The following CSMD1 variants were observed in gnomAD, a reference collection of about 807,000 sequenced individuals.
CSMD1 encodes the protein CUB and sushi domain-containing protein 1.
CSMD1 carries 213 observed loss-of-function variants against 417.5 expected under a neutral mutation model. The ratio of observed to expected loss-of-function variants is 0.51; its 90% confidence interval spans 0.46 to 0.57. The LOEUF is 0.57. CSMD1 is among the 20% of genes least tolerant of loss of function. CSMD1 has a pLI of 0.00. For missense variants in CSMD1, 6,923 were observed against 4,529.7 expected (o/e 1.53, Z -15.17); for synonymous variants, 2,862 against 1,736.8 (o/e 1.65, Z -16.11).
chr8:3,014,595 C>G (rs1025346087), intron 52 of CSMD1, among the ~76,000 whole-genome samples: 1 of 152,134 alleles, frequency 6.6e-6, no homozygotes, highest in Non-Finnish European at 1.5e-5. Flanking sequence ...CTGAAGTTCT[C>G]TTTTATAAGC....
At chr8:3,301,866 T>C (rs1320430122) in intron 25 of CSMD1, among the ~76,000 whole-genome samples, 3 of 152,150 alleles carry the variant, frequency 2.0e-5, no homozygotes, top group Non-Finnish European at 4.4e-5. Context: ...TGGGAATTCA[T>C]AATGGTGGAT....
At chr8:4,066,689 C>A (rs1029607978) in intron 3 of CSMD1, among the ~76,000 whole-genome samples, 4 of 152,100 alleles carry the variant, frequency 2.6e-5, no homozygotes, top group African/African-American at 7.2e-5. Context: ...TTCTATCCAA[C>A]CTGAAATTAG....
chr8:4,429,626 A>C (rs905944433), intron 2 of CSMD1, among the ~76,000 whole-genome samples: 4 of 152,114 alleles, frequency 2.6e-5, no homozygotes, highest in African/African-American at 9.7e-5. Flanking sequence ...TTCCAGAGAG[A>C]GAAACGAATG....
intron 7 of CSMD1, among the ~76,000 whole-genome samples, chr8:3,641,024 CTT>C (rs34851559): frequency 0.025 from 2,596 of 102,722 alleles, 9 homozygotes; most frequent in African/African-American, 0.071. Context: ...TCCTTTTTTC[CTT>C]TTTTTTTTTT....
chr8:3,568,855 T>C (rs1238427892), intron 10 of CSMD1, among the ~76,000 whole-genome samples: 1 of 152,086 alleles, frequency 6.6e-6, no homozygotes, highest in Non-Finnish European at 1.5e-5. Flanking sequence ...ATAAAATTAT[T>C]CAGTAGAAGG....
At chr8:3,559,667 C>G (rs11991146) in intron 10 of CSMD1, among the ~76,000 whole-genome samples, 111,624 of 151,976 alleles carry the variant, frequency 0.73, 41,187 homozygotes, top group Middle Eastern at 0.8. Context: ...CTTTCTGCTT[C>G]GTATTTGACT....
intron 2 of CSMD1, among the ~76,000 whole-genome samples, chr8:4,474,967 A>C (rs1800722399): frequency 6.6e-6 from 1 of 152,226 alleles, no homozygotes; most frequent in Non-Finnish European, 1.5e-5. Flanking sequence ...ATTCCTGGTC[A>C]ACTACAGGCT....
At chr8:3,564,195 A>C (rs748261753) in intron 10 of CSMD1, among the ~76,000 whole-genome samples, 4 of 152,174 alleles carry the variant, frequency 2.6e-5, no homozygotes, top group African/African-American at 4.8e-5. Flanking sequence ...ATAATAAATT[A>C]TCATTAACTA....
intron 5 of CSMD1, among the ~76,000 whole-genome samples, chr8:3,910,172 G>A (rs769747113): frequency 1.3e-5 from 2 of 152,060 alleles, no homozygotes; most frequent in South Asian, 2.1e-4. Context: ...ATGTTACATC[G>A]GGGGACAAGG....
At chr8:3,511,331 T>A (rs1797058357) in intron 10 of CSMD1, among the ~76,000 whole-genome samples, 1 of 151,668 alleles carries the variant, frequency 6.6e-6, no homozygotes, top group Admixed American at 6.6e-5. Flanking sequence ...TATACCTATG[T>A]AACAAACCTG....
At chr8:4,334,819 G>A (rs536941940) in intron 3 of CSMD1, among the ~76,000 whole-genome samples, 1 of 152,092 alleles carries the variant, frequency 6.6e-6, no homozygotes, top group Non-Finnish European at 1.5e-5. Flanking sequence ...CATATATTCG[G>A]AGGTTTTTAA....
chr8:4,047,536 C>T (rs1798210463), intron 3 of CSMD1, among the ~76,000 whole-genome samples: 1 of 151,788 alleles, frequency 6.6e-6, no homozygotes, highest in African/African-American at 2.4e-5. Flanking sequence ...TTCATTCATT[C>T]ATTCATTCCA....
intron 49 of CSMD1, among the ~76,000 whole-genome samples, chr8:3,062,276 A>AATC (rs1255358356): frequency 6.6e-6 from 1 of 152,138 alleles, no homozygotes; most frequent in South Asian, 2.1e-4. Flanking sequence ...TACCATGCTG[A>AATC]AGGCTGAGAT....
chr8:4,217,640 A>C (rs945846490), intron 3 of CSMD1, among the ~76,000 whole-genome samples: 3 of 146,142 alleles, frequency 2.1e-5, no homozygotes, highest in Non-Finnish European at 3.0e-5. Context: ...GAAAAAGTTG[A>C]CTCAGTTGAC....
intron 5 of CSMD1, among the ~76,000 whole-genome samples, chr8:3,901,849 G>C (rs981748514): frequency 6.6e-6 from 1 of 152,144 alleles, no homozygotes; most frequent in African/African-American, 2.4e-5. Flanking sequence ...TATTACCATG[G>C]TTTTATTATA....
rs765561986 is a variant in CSMD1, at chr8:4,031,909, G to A, written c.606C>T (p.Cys202=). 47 of 1,612,760 alleles carry A rather than the reference G, an allele frequency of 2.9e-5. No homozygotes were observed. The highest frequency in any genetic ancestry group is 3.6e-5 in the Non-Finnish European group (43 of 1,179,288). ...AGCCCCCTTGTAGCACTGTACCTCTGCAAAAGGGAGCTGGGAAGTCCCACG... is the reference window on the plus strand; with the variant it reads ...AGCCCCCTTGTAGCACTGTACCTCTACAAAAGGGAGCTGGGAAGTCCCACG... ...GASWDFPAPF[C]RAEGACGGTL... Residue 202 remains cysteine (C), a synonymous_variant, in exon 4 of 70, where the codon TGC becomes TGT. Transcript: ENST00000635120.
chr8:4,034,113 G>A (rs1028976724), intron 3 of CSMD1, among the ~76,000 whole-genome samples: 8 of 152,108 alleles, frequency 5.3e-5, no homozygotes, highest in African/African-American at 1.9e-4. Context: ...ATATAATGTA[G>A]AATAATATTT....
intron 3 of CSMD1, among the ~76,000 whole-genome samples, chr8:4,384,147 C>A (rs1010854980): frequency 6.6e-6 from 1 of 152,160 alleles, no homozygotes; most frequent in East Asian, 1.9e-4. Context: ...TGAGCCTCCT[C>A]CCTTGGGAAT....
intron 1 of CSMD1, among the ~76,000 whole-genome samples, chr8:4,913,809 C>G (rs978946556): frequency 1.3e-5 from 2 of 152,190 alleles, no homozygotes; most frequent in African/African-American, 4.8e-5. Flanking sequence ...TCCCACCAGA[C>G]TCTTTGGGGC....
Sources: gnomAD v4.1 joint callset for allele counts (sites outside exome capture counted in the v4.1 genomes callset) on GRCh38, gnomAD v4.1.1 for gene constraint, MANE v1.5 for transcripts, NCBI Gene and HGNC (gene_info 2026-07-23, HGNC 2026-07-21) for gene names.